Variants in LASP1 observed in about 807,000 individuals in gnomAD.
LASP1 encodes LIM and SH3 protein 1.
LASP1 carries 10 observed loss-of-function variants against 38.6 expected under a neutral mutation model. The observed-to-expected ratio is 0.26, with a 90% confidence interval of 0.16 to 0.44. LASP1 has a LOEUF of 0.44. Ranked by LOEUF, LASP1 falls within the 20% of genes least tolerant of loss-of-function variation. The pLI is 1.00. For missense variants in LASP1, 243 were observed against 375.7 expected (o/e 0.65, Z 2.92); for synonymous variants, 132 against 140.8 (o/e 0.94, Z 0.44).
In LASP1 at chr17:38,894,488, C is replaced by T. The variant is rs866547575; in HGVS notation, c.250-3924C>T. ...GCTTAACCTCTGTGCACAGTGCCTT[C>T]GTCTGAATAATGTGGATTACCTCTC... On this transcript the variant is annotated intron_variant, in intron 3 of 6. Transcript: ENST00000318008. 7.2e-5 allele frequency among the ~76,000 whole-genome samples: 11 copies of T among 152,064 alleles called. No homozygotes were observed. The South Asian group carries it at 8.3e-4, about 11-fold the overall frequency.
In LASP1 at chr17:38,919,856, T is replaced by A; in HGVS notation, c.*1078T>A. 2 of 466,214 alleles carry A rather than the reference T, an allele frequency of 4.3e-6. No individual in the cohort carries two copies. Among genetic ancestry groups the A allele is most frequent in the Non-Finnish European group, 8.3e-6 (2 of 239,982 alleles). The allele number at this position is 466,214 out of a possible 1,614,324, so 28.9% of individuals were successfully genotyped here. A position where few individuals can be genotyped will look rare whatever the true frequency, so the allele number is the denominator to read the frequency against. On this transcript the variant is annotated 3_prime_UTR_variant, in exon 7 of 7. Transcript: ENST00000318008. ...GCAGGAGCATGTATGTCTGCAGGTG[T>A]CTGACACGCAAGTGTGTGAGTGTGA... is the stretch of plus-strand genomic sequence containing the variant.
At chr17:38,915,457 C>T (rs893642974) in intron 6 of LASP1, 10 of 241,108 alleles carry the variant, frequency 4.1e-5, no homozygotes, top group African/African-American at 1.8e-4. Flanking sequence ...CAGCACTGGG[C>T]GCTGCTCTCC....
intron 4 of LASP1, among the ~76,000 whole-genome samples, chr17:38,912,187 A>AT (rs1431330637): frequency 6.6e-6 from 1 of 152,224 alleles, no homozygotes; most frequent in African/African-American, 2.4e-5. Context: ...GTGCCTGGGA[A>AT]TAGGGACCTT....
At position 38,893,236 on chromosome 17, in the gene LASP1, G is replaced by A. The variant is rs527678935; in HGVS notation, c.249+2732G>A. On this transcript the variant is annotated intron_variant, in intron 3 of 6. Coordinates refer to ENST00000318008, the MANE Select transcript of LASP1 (RefSeq NM_006148.4). ...GAACAGTGCTGATGGCACAGGCACC[G>A]AGCCCTGTGCTCCCACCCTGCAGGA... is the stretch of plus-strand genomic sequence containing the variant. 2.5e-3 allele frequency among the ~76,000 whole-genome samples: 375 copies of A among 152,322 alleles called. 1 individual carries two copies. Among genetic ancestry groups the A allele is most frequent in the African/African-American group, 8.2e-3 (342 of 41,580 alleles).
intron 4 of LASP1, 183 bp downstream of exon 4, chr17:38,898,702 G>A (rs780611002): frequency 1.5e-6 from 1 of 668,988 alleles, no homozygotes; most frequent in Non-Finnish European, 2.7e-6. Context: ...TGTACCCCCA[G>A]ACCACCAGCA....
chr17:38,906,397 T>C (rs1381493284), intron 4 of LASP1, among the ~76,000 whole-genome samples: 2 of 151,978 alleles, frequency 1.3e-5, no homozygotes, highest in African/African-American at 4.8e-5. Context: ...GGCATGGTGG[T>C]GCACCCCTGT....
At chr17:38,898,165 G>A (rs767022969) in intron 3 of LASP1, among the ~76,000 whole-genome samples, 17 of 152,320 alleles carry the variant, frequency 1.1e-4, no homozygotes, top group Non-Finnish European at 2.4e-4. Flanking sequence ...AAATGAGATG[G>A]TTCATGTAAG....
chr17:38,909,920 G>A (rs575632645), intron 4 of LASP1, among the ~76,000 whole-genome samples: 22 of 152,180 alleles, frequency 1.4e-4, no homozygotes, highest in African/African-American at 5.1e-4. Context: ...ATTAAGTTTT[G>A]TATTTTCAGT....
intron 1 of LASP1, among the ~76,000 whole-genome samples, chr17:38,875,866 C>G (rs1276728038): frequency 6.6e-6 from 1 of 152,176 alleles, no homozygotes; most frequent in Non-Finnish European, 1.5e-5. Context: ...CAAGAACCAG[C>G]TCTGTGGCTG....
intron 2 of LASP1, among the ~76,000 whole-genome samples, chr17:38,878,882 A>G (rs1356476028): frequency 6.6e-6 from 1 of 152,076 alleles, no homozygotes; most frequent in Admixed American, 6.5e-5. Flanking sequence ...TTCCTTCTGC[A>G]CTGGGACCTG....
intron 3 of LASP1, among the ~76,000 whole-genome samples, chr17:38,892,581 CA>C (rs1327794862): frequency 3.0e-4 from 46 of 151,398 alleles, no homozygotes; most frequent in Non-Finnish European, 4.9e-4. Flanking sequence ...CACACACACA[CA>C]CACACACACC....
At chr17:38,899,329 G>C (rs140223144) in intron 4 of LASP1, 1 of 159,308 alleles carries the variant, frequency 6.3e-6, no homozygotes, top group Non-Finnish European at 1.4e-5. Flanking sequence ...AGCTGTCTTC[G>C]TGTCTGGAAC....
At chr17:38,885,134 T>G (rs79740317) in intron 2 of LASP1, among the ~76,000 whole-genome samples, 4,350 of 152,296 alleles carry the variant, frequency 0.029, 86 homozygotes, top group Non-Finnish European at 0.045. Flanking sequence ...CAAGCACATC[T>G]TTCCCCAGAA....
chr17:38,891,468 A>G (rs72819773), intron 3 of LASP1, among the ~76,000 whole-genome samples: 34,968 of 152,090 alleles, frequency 0.23, 4,851 homozygotes, highest in East Asian at 0.31. Flanking sequence ...GCATCCTCCC[A>G]GCAGCCCTGT....
chr17:38,886,563 G>T (rs1190238626), intron 2 of LASP1, among the ~76,000 whole-genome samples: 1 of 152,166 alleles, frequency 6.6e-6, no homozygotes, highest in Admixed American at 6.5e-5. Context: ...GCTGTCGGGG[G>T]CTGAGACTAG....
At chr17:38,887,117 C>T (rs1914162067) in intron 2 of LASP1, among the ~76,000 whole-genome samples, 1 of 152,172 alleles carries the variant, frequency 6.6e-6, no homozygotes, top group Non-Finnish European at 1.5e-5. Context: ...GTTTGCCCTG[C>T]TTGCCTCTAG....
intron 2 of LASP1, among the ~76,000 whole-genome samples, chr17:38,879,665 AAC>A (rs1913885447): frequency 6.6e-6 from 1 of 151,624 alleles, no homozygotes; most frequent in Non-Finnish European, 1.5e-5. Context: ...AGGGGGCTTA[AAC>A]CTCCAGCCTT....
chr17:38,894,716 CTG>C (rs1250381871), intron 3 of LASP1, among the ~76,000 whole-genome samples: 1 of 152,032 alleles, frequency 6.6e-6, no homozygotes, highest in East Asian at 1.9e-4. Context: ...TCCTCTCCAT[CTG>C]TGTGTGTCTA....
At chr17:38,909,362 C>A (rs997572735) in intron 4 of LASP1, among the ~76,000 whole-genome samples, 5 of 152,146 alleles carry the variant, frequency 3.3e-5, no homozygotes, top group Non-Finnish European at 7.3e-5. Flanking sequence ...AATCCCAGCA[C>A]TTTGGGAGGC....
Sources: allele counts gnomAD v4.1 joint callset (sites outside exome capture counted in the v4.1 genomes callset), GRCh38; gene constraint gnomAD v4.1.1; transcripts MANE v1.5; gene names NCBI Gene and HGNC (gene_info 2026-07-23, HGNC 2026-07-21).